Variants in EIF3A observed in about 807,000 individuals in gnomAD.
The protein encoded by EIF3A is eukaryotic translation initiation factor 3 subunit A.
In EIF3A, 21 loss-of-function variants were observed where a neutral mutation model predicts 186.6. The observed-to-expected ratio is 0.11, with a 90% CI of 0.08 to 0.16. The LOEUF is 0.16. Ranked by LOEUF, EIF3A falls within the 10% of genes least tolerant of loss-of-function variation. The pLI is 1.00. For synonymous variants in EIF3A, 563 were observed against 584.3 expected (o/e 0.96, Z 0.52); for missense variants, 1,306 against 1,796.3 (o/e 0.73, Z 4.93).
At chr10:119,050,358 TA>T (rs1848340088) in intron 16 of EIF3A, among the ~76,000 whole-genome samples, 162 bp downstream of exon 16, 1 of 152,206 alleles carries the variant, frequency 6.6e-6, no homozygotes, top group Non-Finnish European at 1.5e-5. Flanking sequence ...GCAGACGATG[TA>T]ACAACTTCAC....
chr10:119,052,633 C>T (rs1456221620), intron 14 of EIF3A, among the ~76,000 whole-genome samples: 1 of 152,128 alleles, frequency 6.6e-6, no homozygotes, highest in Non-Finnish European at 1.5e-5. Context: ...ACCTCAGCCT[C>T]CCAAAGAGCT....
At chr10:119,060,963 T>C in intron 8 of EIF3A, 119 bp from the exon 9 acceptor site, 1 of 721,064 alleles carries the variant, frequency 1.4e-6, no homozygotes, top group Non-Finnish European at 2.2e-6. Context: ...AAATACAAAA[T>C]GTATCATGAA....
chr10:119,050,738 A>G (rs911661936), intron 15 of EIF3A, 64 bp from the exon 16 acceptor site: 5 of 1,569,874 alleles, frequency 3.2e-6, no homozygotes, highest in South Asian at 1.1e-5. Context: ...AAACTCGCAG[A>G]AAGCTATTAG....
chr10:119,044,855 TA>T (rs980488750), intron 17 of EIF3A, among the ~76,000 whole-genome samples: 15 of 151,416 alleles, frequency 9.9e-5, no homozygotes, highest in African/African-American at 2.7e-4. Flanking sequence ...CTCAAAAAAA[TA>T]AAAATAAAAG....
At chr10:119,053,122 A>G (rs1848380440) in intron 14 of EIF3A, among the ~76,000 whole-genome samples, 1 of 152,108 alleles carries the variant, frequency 6.6e-6, no homozygotes, top group African/African-American at 2.4e-5. Context: ...TTTGAGCAGT[A>G]GGTCTCAACA....
chr10:119,042,889 G>T lies in EIF3A; in HGVS notation c.2748-117C>A, dbSNP rs868379402. The T allele has an allele frequency of 4.7e-6, 5 of 1,073,848 alleles. No individual in the cohort carries two copies. The Admixed American group carries it at 1.1e-4, about 24-fold the overall frequency. 66.5% of individuals were successfully genotyped at this position (1,073,848 alleles called of 1,614,324 possible). On this transcript the variant is annotated intron_variant, in intron 18 of 21. Transcript: ENST00000369144. The surrounding 1 kb of genome is among the most constrained non-coding windows in gnomAD (Gnocchi z 7.8). ...TCAGTATGGGCCGGAGCAGTGGCTC[G>T]CACCTTTAATCCCAGCACTCTGGGA...
intron 6 of EIF3A, among the ~76,000 whole-genome samples, chr10:119,066,521 A>G (rs1328536724): frequency 2.1e-5 from 3 of 141,460 alleles, no homozygotes; most frequent in Admixed American, 2.1e-4. Flanking sequence ...AAAAAAAAAA[A>G]AAAAAAAAAA....
chr10:119,073,406 T>C, intron 3 of EIF3A, 35 bp downstream of exon 3: 2 of 1,475,026 alleles, frequency 1.4e-6, no homozygotes, highest in South Asian at 1.3e-5. Flanking sequence ...CCAAGTTAAC[T>C]ATCAAAGCAT....
At chr10:119,069,688 T>C (rs1844039962) in intron 5 of EIF3A, 34 bp from the exon 6 acceptor site, 4 of 1,052,830 alleles carry the variant, frequency 3.8e-6, no homozygotes, top group Non-Finnish European at 5.9e-6. Flanking sequence ...AGTCATTGCA[T>C]TCTATAACAC....
intron 19 of EIF3A, 144 bp downstream of exon 19, chr10:119,041,850 C>T: frequency 2.3e-6 from 2 of 876,974 alleles, no homozygotes; most frequent in Non-Finnish European, 3.4e-6. Flanking sequence ...AAACTTTTGA[C>T]AGCGAAGTCA....
intron 9 of EIF3A, 21 bp from the exon 10 acceptor site, chr10:119,059,739 T>C: frequency 6.8e-7 from 1 of 1,470,400 alleles, no homozygotes; most frequent in South Asian, 1.1e-5. Context: ...AACAAAGGGT[T>C]AATAACACTA....
chr10:119,063,464 C>G (rs1311867445), intron 7 of EIF3A, among the ~76,000 whole-genome samples: 2 of 152,156 alleles, frequency 1.3e-5, no homozygotes, highest in Non-Finnish European at 2.9e-5. Flanking sequence ...GGTGTTTCCT[C>G]AGAATACATT....
At chr10:119,075,961 C>T (rs1427582050) in intron 1 of EIF3A, among the ~76,000 whole-genome samples, 21 of 136,706 alleles carry the variant, frequency 1.5e-4, no homozygotes, top group African/African-American at 5.7e-4. Flanking sequence ...CTCCTGACCT[C>T]GTGATCTGCC....
At chr10:119,045,936 G>A (rs1040349177) in intron 17 of EIF3A, among the ~76,000 whole-genome samples, 2 of 151,932 alleles carry the variant, frequency 1.3e-5, no homozygotes, top group Non-Finnish European at 2.9e-5. Flanking sequence ...CAGAGAACCT[G>A]GTACAAACAA....
chr10:119,038,165 C>A (rs1368220950), intron 20 of EIF3A, 73 bp downstream of exon 20: 1 of 1,352,832 alleles, frequency 7.4e-7, no homozygotes, highest in Non-Finnish European at 1.0e-6. Context: ...GATCCGCCCT[C>A]CCAAAGTGCT....
At chr10:119,044,718 G>A (rs1160349775) in intron 17 of EIF3A, among the ~76,000 whole-genome samples, 1 of 151,944 alleles carries the variant, frequency 6.6e-6, no homozygotes, top group East Asian at 1.9e-4. Context: ...CGTGGTGGCA[G>A]GCGCCTGTAG....
intron 6 of EIF3A, among the ~76,000 whole-genome samples, chr10:119,065,902 G>A (rs1370142738): frequency 6.7e-6 from 1 of 150,170 alleles, no homozygotes; most frequent in African/African-American, 2.4e-5. Flanking sequence ...ACATCACGAC[G>A]TCAAGAGATC....
intron 19 of EIF3A, among the ~76,000 whole-genome samples, chr10:119,040,879 A>T (rs1256735746): frequency 1.3e-5 from 2 of 151,934 alleles, no homozygotes; most frequent in Non-Finnish European, 2.9e-5. Flanking sequence ...AGTGGTAGGC[A>T]CCTGTTGTCC....
Position 119,039,029 on chromosome 10 carries a change from T to C in EIF3A, c.3527-590A>G, listed in dbSNP as rs80186069. The stretch of plus-strand genomic sequence containing the variant: ...CTGAAAATTTTAGAATTTTTCCTAT[T>C]GCACGCAGATTTCAGCATAGTATCT... On this transcript the variant is annotated intron_variant, in intron 19 of 21. Coordinates refer to ENST00000369144, the MANE Select transcript of EIF3A (RefSeq NM_003750.4). Among the ~76,000 whole-genome samples the C allele has an allele frequency of 3.3e-5, 5 of 152,308 alleles. No homozygotes were observed. In the East Asian group the frequency reaches 9.6e-4, roughly 29 times the overall value.
Sources: gnomAD v4.1 joint callset for allele counts (sites outside exome capture counted in the v4.1 genomes callset) on GRCh38, gnomAD v4.1.1 for gene constraint, Gnocchi (gnomAD v3.1) non-coding constraint, MANE v1.5 for transcripts, NCBI Gene and HGNC (gene_info 2026-07-23, HGNC 2026-07-21) for gene names.